The following TASP1 variants were observed in gnomAD, a reference collection of about 807,000 sequenced individuals.
The protein encoded by TASP1 is threonine aspartase 1.
A neutral mutation model predicts 56.6 loss-of-function variants in TASP1; 16 were observed. The observed-to-expected ratio is 0.28, with a 90% CI of 0.19 to 0.43. TASP1 has a LOEUF of 0.43. Ranked by LOEUF, TASP1 falls within the 20% of genes least tolerant of loss-of-function variation. The probability of loss-of-function intolerance (pLI) is 1.00; values close to 1 mark genes in which losing one functional copy is unlikely to be tolerated. For synonymous variants in TASP1, 179 were observed against 184.2 expected (o/e 0.97, Z 0.23); for missense variants, 393 against 511.6 (o/e 0.77, Z 2.24).
the TASP1 span, among the ~76,000 whole-genome samples, chr20:13,370,448 C>G: frequency 2.0e-5 from 3 of 152,126 alleles, no homozygotes; most frequent in African/African-American, 7.2e-5. Flanking sequence ...ACATAAAAAG[C>G]TTATACCTTT....
chr20:13,466,207 A>C (rs941186604), intron 11 of TASP1, among the ~76,000 whole-genome samples: 3 of 152,190 alleles, frequency 2.0e-5, no homozygotes, highest in Non-Finnish European at 4.4e-5. Context: ...TTAAAAAAAA[A>C]CCTTCAAATT....
the TASP1 span, among the ~76,000 whole-genome samples, chr20:13,251,195 T>C: frequency 6.6e-6 from 1 of 152,202 alleles, no homozygotes; most frequent in Non-Finnish European, 1.5e-5. Context: ...GGTGAGCACT[T>C]GTCCTCTCCT....
chr20:13,510,062 G>T (rs763753652), intron 10 of TASP1, among the ~76,000 whole-genome samples: 7 of 151,816 alleles, frequency 4.6e-5, no homozygotes, highest in Admixed American at 1.3e-4. Flanking sequence ...ACCTTTACGT[G>T]TACCCCTGAA....
chr20:13,380,120 A>C, the TASP1 span, among the ~76,000 whole-genome samples: 21 of 152,086 alleles, frequency 1.4e-4, no homozygotes, highest in Admixed American at 1.4e-3. Context: ...CCTTGCTGGT[A>C]AGGAGTTGTG....
chr20:13,362,099 C>T, the TASP1 span, among the ~76,000 whole-genome samples: 13 of 150,180 alleles, frequency 8.7e-5, no homozygotes, highest in African/African-American at 1.5e-4. Flanking sequence ...TAGGTTCCCA[C>T]GCCGCCCCTA....
At chr20:13,384,731 T>G (rs1268017305), downstream of TASP1, among the ~76,000 whole-genome samples, 2 of 152,222 alleles carry the variant, frequency 1.3e-5, no homozygotes, top group African/African-American at 4.8e-5. Context: ...TACTCATACT[T>G]CCTTCCCCTG....
the TASP1 span, among the ~76,000 whole-genome samples, chr20:13,330,441 T>C: frequency 6.7e-6 from 1 of 150,100 alleles, no homozygotes; most frequent in Non-Finnish European, 1.5e-5. Flanking sequence ...TGTGGACTTT[T>C]GCATCTATAT....
chr20:13,203,552 G>A, the TASP1 span, among the ~76,000 whole-genome samples: 1 of 152,146 alleles, frequency 6.6e-6, no homozygotes, highest in African/African-American at 2.4e-5. Flanking sequence ...AATAAAATGT[G>A]CCTTTATGGA....
chr20:13,257,764 C>T, the TASP1 span, among the ~76,000 whole-genome samples: 1 of 150,772 alleles, frequency 6.6e-6, no homozygotes, highest in Non-Finnish European at 1.5e-5. Flanking sequence ...AGTCAGGGAG[C>T]AGAGTTGAGA....
chr20:13,391,803 T>C (rs1473383136), intron 13 of TASP1, among the ~76,000 whole-genome samples: 1 of 151,176 alleles, frequency 6.6e-6, no homozygotes, highest in African/African-American at 2.4e-5. Context: ...CTGTCTCTAC[T>C]AAAAATGCAA....
the TASP1 span, among the ~76,000 whole-genome samples, chr20:13,104,954 GT>G: frequency 6.6e-6 from 1 of 152,016 alleles, no homozygotes; most frequent in East Asian, 1.9e-4. Flanking sequence ...TCTCAGAGGT[GT>G]CATGGGGATT....
At chr20:13,358,353 G>T in the TASP1 span, among the ~76,000 whole-genome samples, 4 of 151,514 alleles carry the variant, frequency 2.6e-5, no homozygotes, top group Admixed American at 2.6e-4. Context: ...TGACTTGGAT[G>T]GGGGGACCTC....
intron 6 of TASP1, among the ~76,000 whole-genome samples, chr20:13,577,602 T>G (rs2046968465): frequency 6.6e-6 from 1 of 151,872 alleles, no homozygotes; most frequent in Non-Finnish European, 1.5e-5. Context: ...AGAAAGAAAT[T>G]TTTCTCTCTC....
At chr20:13,137,042 T>C in the TASP1 span, among the ~76,000 whole-genome samples, 11 of 152,252 alleles carry the variant, frequency 7.2e-5, no homozygotes, top group East Asian at 1.7e-3. Context: ...AAGAGAAGGA[T>C]GGGGAAATTG....
chr20:13,201,384 A>C, the TASP1 span, among the ~76,000 whole-genome samples: 1 of 151,982 alleles, frequency 6.6e-6, no homozygotes, highest in African/African-American at 2.4e-5. Context: ...TTGCTGTTGG[A>C]TAGGCTGTGG....
At chr20:13,471,098 T>A (rs1177725622) in intron 11 of TASP1, among the ~76,000 whole-genome samples, 1 of 152,088 alleles carries the variant, frequency 6.6e-6, no homozygotes, top group Non-Finnish European at 1.5e-5. Context: ...AGACAAACAA[T>A]AATAACAAGT....
chr20:13,580,829 C>G, intron 6 of TASP1, 68 bp downstream of exon 6: 5 of 1,506,498 alleles, frequency 3.3e-6, no homozygotes, highest in Non-Finnish European at 9.2e-7. Context: ...ATGTAACCAA[C>G]AGCATCAGCC....
At chr20:13,598,618 C>G (rs550611809) in intron 4 of TASP1, among the ~76,000 whole-genome samples, 3 of 152,200 alleles carry the variant, frequency 2.0e-5, no homozygotes, top group African/African-American at 7.2e-5. Context: ...AGGACACAGG[C>G]AGGGGCAAAG....
At chr20:13,482,641 A>G (rs150225971) in intron 11 of TASP1, among the ~76,000 whole-genome samples, 128 of 152,220 alleles carry the variant, frequency 8.4e-4, no homozygotes, top group African/African-American at 2.7e-3. Flanking sequence ...ACTTTTGATG[A>G]GCATCTAGTT....
Sources: gnomAD v4.1 joint callset for allele counts (sites outside exome capture counted in the v4.1 genomes callset) on GRCh38, gnomAD v4.1.1 for gene constraint, MANE v1.5 for transcripts, NCBI Gene and HGNC (gene_info 2026-07-23, HGNC 2026-07-21) for gene names.